Variants in CIT observed in about 807,000 individuals in gnomAD.
The protein encoded by CIT is citron rho-interacting serine/threonine kinase.
In CIT, 79 loss-of-function variants were observed where a neutral mutation model predicts 272.7. The ratio of observed to expected loss-of-function variants is 0.29; its 90% CI spans 0.24 to 0.35. The LOEUF is 0.35. Ranked by LOEUF, CIT falls within the 10% of genes least tolerant of loss-of-function variation. The pLI, the probability that CIT is intolerant of heterozygous loss-of-function variation, is 1.00. For synonymous variants in CIT, 948 were observed against 995.6 expected (o/e 0.95, Z 0.90); for missense variants, 1,909 against 2,618.3 (o/e 0.73, Z 5.91).
chr12:119,829,344 AAGAAGAGAAGAGAAG>A (rs58685524), intron 7 of CIT, among the ~76,000 whole-genome samples: 32,669 of 133,314 alleles, frequency 0.25, 4,448 homozygotes, highest in Admixed American at 0.37. Context: ...CTTGAAAGAA[AAGAAGAGAAGAGAAG>A]AGAAGAGAAG....
intron 13 of CIT, among the ~76,000 whole-genome samples, chr12:119,781,660 G>A (rs546706306): frequency 1.5e-4 from 19 of 128,272 alleles, no homozygotes; most frequent in East Asian, 6.6e-4. Flanking sequence ...AAGAAAACCC[G>A]TTTAGAAAGA....
Position 119,728,223 on chromosome 12 carries a change from C to T in CIT, c.3591+279G>A, listed in dbSNP as rs1212609215. Among the ~76,000 whole-genome samples, 2 of 152,116 alleles carry T rather than the reference C, an allele frequency of 1.3e-5. No individual in the cohort carries two copies. The highest frequency in any genetic ancestry group is 2.4e-5 in the African/African-American group (1 of 41,402). ...CTGTCATTACACATTTGTCAAAACCCATAGAACATACAACACCAATAGCAA... is the reference window on the plus strand; with the variant it reads ...CTGTCATTACACATTTGTCAAAACCTATAGAACATACAACACCAATAGCAA... On this transcript the variant is annotated intron_variant, in intron 28 of 47. Coordinates refer to ENST00000392521, the MANE Select transcript of CIT (RefSeq NM_001206999.2). This position sits in a 1 kb window ranked among gnomAD's most constrained non-coding sequence, Gnocchi z 4.3.
chr12:119,775,885 T>C lies in CIT; in HGVS notation c.1888-46A>G, dbSNP rs770547189. 1.6e-5 allele frequency: 23 copies of C among 1,479,940 alleles called. 1 individual carries two copies. In the South Asian group the frequency reaches 2.6e-4, roughly 17 times the overall value. The allele number at this position is 1,479,940 out of a possible 1,614,324, so 91.7% of individuals were successfully genotyped here. ...AATAAAGCAAAAGGCAAATCAGCAT[T>C]AACATCTTGCTACATTTATTGCAGT... is the stretch of plus-strand genomic sequence containing the variant. On this transcript the variant is annotated intron_variant, in intron 15 of 47. Transcript: ENST00000392521.
chr12:119,866,889 G>A (rs1168696304), intron 3 of CIT, among the ~76,000 whole-genome samples: 1 of 152,230 alleles, frequency 6.6e-6, no homozygotes, highest in Non-Finnish European at 1.5e-5. Context: ...CACATGGGTA[G>A]GGCTGTGTTC....
chr12:119,725,726 G>A (rs865881465), intron 28 of CIT, among the ~76,000 whole-genome samples: 9 of 152,160 alleles, frequency 5.9e-5, no homozygotes, highest in South Asian at 2.1e-4. Flanking sequence ...TTGGGATCCC[G>A]GCACTCTATT....
intron 41 of CIT, among the ~76,000 whole-genome samples, 153 bp downstream of exon 41, chr12:119,704,210 G>C (rs141044670): frequency 6.6e-6 from 1 of 152,174 alleles, no homozygotes; most frequent in Non-Finnish European, 1.5e-5. Context: ...GAAGGATCTC[G>C]CTGACGACAG....
chr12:119,865,213 T>C (rs1950481036), intron 3 of CIT, among the ~76,000 whole-genome samples: 2 of 152,196 alleles, frequency 1.3e-5, no homozygotes, highest in Non-Finnish European at 1.5e-5. Flanking sequence ...AAACCAAGTC[T>C]TCTGATCACT....
intron 19 of CIT, among the ~76,000 whole-genome samples, chr12:119,764,475 G>A (rs1465722042): frequency 1.3e-5 from 2 of 151,822 alleles, no homozygotes. Flanking sequence ...AATTACCCAG[G>A]CGTGGTGGCA....
chr12:119,877,072 T>C lies in CIT; in HGVS notation c.-14+177A>G, dbSNP rs578198800. On this transcript the variant is annotated intron_variant, in intron 1 of 47. Transcript: ENST00000392521. ...CTGACCCCTCGGCTCCCAAGGAAGG[T>C]GGGCGCGCGCACAGCTAGCCCCGGA... is the stretch of plus-strand genomic sequence containing the variant. Among the ~76,000 whole-genome samples the C allele has an allele frequency of 3.0e-4, 45 of 152,076 alleles. No individual in the cohort carries two copies. In the South Asian group the frequency reaches 8.7e-3, roughly 30 times the overall value.
At chr12:119,857,419 AG>A in intron 4 of CIT, 103 bp downstream of exon 4, 1 of 1,161,580 alleles carries the variant, frequency 8.6e-7, no homozygotes, top group Admixed American at 2.2e-5. Flanking sequence ...AGAGTCACAG[AG>A]GAAAACGTGC....
chr12:119,785,121 AT>A, intron 10 of CIT, 56 bp from the exon 11 acceptor site: 2 of 1,555,490 alleles, frequency 1.3e-6, no homozygotes, highest in Non-Finnish European at 1.7e-6. Flanking sequence ...AAGAAGCTGC[AT>A]TAGGAAGCTG....
chr12:119,742,544 AGCAATTT>A (rs1193402331), intron 23 of CIT, 80 bp from the exon 24 acceptor site: 6 of 1,101,912 alleles, frequency 5.4e-6, no homozygotes, highest in Non-Finnish European at 7.9e-6. Context: ...TATAGAGAAT[AGCAATTT>A]GCCTGGAAAG....
chr12:119,874,593 C>T (rs1187049044), intron 2 of CIT, among the ~76,000 whole-genome samples: 2 of 152,090 alleles, frequency 1.3e-5, no homozygotes, highest in East Asian at 1.9e-4. Context: ...TAAGTTTTAA[C>T]GCATCTGGGG....
chr12:119,835,757 C>G (rs979156914), intron 5 of CIT, among the ~76,000 whole-genome samples: 2 of 152,106 alleles, frequency 1.3e-5, no homozygotes, highest in African/African-American at 4.8e-5. Flanking sequence ...CTGCACAGAG[C>G]CCCAAAGGCC....
At chr12:119,802,329 C>G (rs1966267830) in intron 10 of CIT, among the ~76,000 whole-genome samples, 1 of 152,110 alleles carries the variant, frequency 6.6e-6, no homozygotes, top group Admixed American at 6.5e-5. Flanking sequence ...AGATACTGAC[C>G]TCCCACATCC....
Position 119,713,364 on chromosome 12 carries a change from A to AG in CIT, c.4488-71dup. ...AAACATCCGGCTGGAGGATAGGATGAGGGGGTGGCAGAGTTCCTAGAAAAG... is the reference window on the plus strand; with the variant it reads ...AAACATCCGGCTGGAGGATAGGATGAGGGGGGTGGCAGAGTTCCTAGAAAAG... On this transcript the variant is annotated intron_variant, in intron 34 of 47. Transcript: ENST00000392521. This position sits in a 1 kb window ranked among gnomAD's most constrained non-coding sequence, Gnocchi z 5.2. 6.3e-7 allele frequency: 1 copy of AG among 1,578,868 alleles called. No individual in the cohort carries two copies. The highest frequency in any genetic ancestry group is 8.7e-7 in the Non-Finnish European group (1 of 1,151,370).
Position 119,690,646 on chromosome 12 carries a change from CA to C in CIT, c.5883-193del, listed in dbSNP as rs1287395690. 2.6e-5 allele frequency among the ~76,000 whole-genome samples: 4 copies of C among 152,200 alleles called. No individual in the cohort carries two copies. The highest frequency in any genetic ancestry group is 9.6e-5 in the African/African-American group (4 of 41,452). On this transcript the variant is annotated intron_variant, in intron 46 of 47. Coordinates refer to ENST00000392521, the MANE Select transcript of CIT (RefSeq NM_001206999.2). This position sits in a 1 kb window ranked among gnomAD's most constrained non-coding sequence, Gnocchi z 6.0. The stretch of plus-strand genomic sequence containing the variant: ...ACAGGGAAGAGAGCAAAGATGGCAA[CA>C]AAAGACAACCCACCTTCCTCAGTGC...
chr12:119,834,360 C>A (rs544506092), intron 5 of CIT, 132 bp from the exon 6 acceptor site: 1 of 755,308 alleles, frequency 1.3e-6, no homozygotes, highest in Non-Finnish European at 2.1e-6. Flanking sequence ...GTGTAAGGCA[C>A]GCTGTAAGTC....
chr12:119,863,514 G>GT (rs200218533), intron 3 of CIT, among the ~76,000 whole-genome samples: 4 of 151,078 alleles, frequency 2.6e-5, no homozygotes, highest in Non-Finnish European at 3.0e-5. Flanking sequence ...TAAAATAAAA[G>GT]TTTTTTTTTG....
Sources: allele counts gnomAD v4.1 joint callset (sites outside exome capture counted in the v4.1 genomes callset), GRCh38; gene constraint gnomAD v4.1.1; non-coding constraint Gnocchi (gnomAD v3.1); transcripts MANE v1.5; gene names NCBI Gene and HGNC (gene_info 2026-07-23, HGNC 2026-07-21).